Variants in PRKACA observed in about 807,000 individuals in gnomAD.
PRKACA encodes the protein protein kinase cAMP-activated catalytic subunit alpha.
PRKACA carries 9 observed loss-of-function variants against 45.8 expected under a neutral mutation model. The observed-to-expected ratio is 0.20, with a 90% confidence interval of 0.12 to 0.34. PRKACA has a LOEUF of 0.34. PRKACA is among the 10% of genes least tolerant of loss of function. The probability of loss-of-function intolerance (pLI) is 1.00; values close to 1 mark genes in which losing one functional copy is unlikely to be tolerated. For missense variants in PRKACA, 238 were observed against 458.6 expected (o/e 0.52, Z 4.39); for synonymous variants, 160 against 178.6 (o/e 0.90, Z 0.83).
In PRKACA at chr19:14,107,649, G is replaced by A. The variant is rs147514994; in HGVS notation, c.47-240C>T. ...GTACAGAGAGTCTCAGGGGTCACTCGCAGGGGAACGGAGGGAGGTGCCCAG... is the reference window on the plus strand; with the variant it reads ...GTACAGAGAGTCTCAGGGGTCACTCACAGGGGAACGGAGGGAGGTGCCCAG... On this transcript the variant is annotated intron_variant, in intron 1 of 9. Coordinates refer to ENST00000308677, the MANE Select transcript of PRKACA (RefSeq NM_002730.4). 8.8e-5 allele frequency: 117 copies of A among 1,323,102 alleles called. No homozygotes were observed. The East Asian group carries it at 2.9e-3, about 33-fold the overall frequency. The allele number at this position is 1,323,102 out of a possible 1,614,324, so 82.0% of individuals were successfully genotyped here.
intron 1 of PRKACA, among the ~76,000 whole-genome samples, chr19:14,113,848 C>T (rs1007187597): frequency 1.3e-5 from 2 of 152,138 alleles, no homozygotes; most frequent in Non-Finnish European, 2.9e-5. Flanking sequence ...GCTCATCCTA[C>T]AGTCTGAGCT....
Position 14,097,884 on chromosome 19 carries a change from G to A in PRKACA, c.426C>T (p.Pro142=), listed in dbSNP as rs777648038. The A allele has an allele frequency of 1.2e-5, 19 of 1,614,030 alleles. No homozygotes were observed. The highest frequency in any genetic ancestry group is 8.0e-5 in the African/African-American group (6 of 74,934). Residue 142 remains proline, a synonymous_variant, in exon 6 of 10, where the codon CCC becomes CCT. Transcript: ENST00000308677. The surrounding 1 kb of genome is among the most constrained non-coding windows in gnomAD (Gnocchi z 5.4). ...HLRRIGRFSE[P]HARFYAAQIV... ...TCTGGGCCGCGTAGAAACGGGCATG[G>A]GGCTCACTGATGGGGACAAATGGGG...
chr19:14,112,937 T>C lies in PRKACA; in HGVS notation c.46+4565A>G, dbSNP rs1383964029. 5.3e-5 allele frequency among the ~76,000 whole-genome samples: 8 copies of C among 152,026 alleles called. No homozygotes were observed. In the East Asian group the frequency reaches 1.5e-3, roughly 29 times the overall value. On this transcript the variant is annotated intron_variant, in intron 1 of 9. Coordinates refer to ENST00000308677, the MANE Select transcript of PRKACA (RefSeq NM_002730.4). ...AGGCCCCAGAGCTCCCTTAATTCGCTGAAAGAACAGCTGGAGAGAAAGGCT... is the reference window on the plus strand; with the variant it reads ...AGGCCCCAGAGCTCCCTTAATTCGCCGAAAGAACAGCTGGAGAGAAAGGCT...
chr19:14,110,597 C>A (rs896929400), intron 1 of PRKACA, among the ~76,000 whole-genome samples: 8 of 151,810 alleles, frequency 5.3e-5, no homozygotes, highest in African/African-American at 1.7e-4. Context: ...AATAAAAAAA[C>A]CCCAAAAACA....
intron 1 of PRKACA, among the ~76,000 whole-genome samples, chr19:14,111,412 G>GA (rs1966960517): frequency 6.7e-6 from 1 of 149,096 alleles, no homozygotes; most frequent in African/African-American, 2.5e-5. Context: ...AAAAAAAAAA[G>GA]AAAGTGGTAG....
chr19:14,109,985 TATATATATATATATACAC>T (rs1325843361), intron 1 of PRKACA, among the ~76,000 whole-genome samples: 1,605 of 86,422 alleles, frequency 0.019, 88 homozygotes, highest in African/African-American at 0.079. Context: ...TATATATATA[TATATATATATATATACAC>T]ACACACACAC....
Position 14,097,514 on chromosome 19 carries a change from G to A in PRKACA, c.643-31C>T. Reference sequence around the variant, plus strand: ...GCAAGATGGGGGGGCACAGGGTGAGGAGGAGGCGAGAGCAGGAGAGCAGAG... The same window carrying A: ...GCAAGATGGGGGGGCACAGGGTGAGAAGGAGGCGAGAGCAGGAGAGCAGAG... On this transcript the variant is annotated intron_variant, in intron 7 of 9. Coordinates refer to ENST00000308677, the MANE Select transcript of PRKACA (RefSeq NM_002730.4). The surrounding 1 kb of genome is among the most constrained non-coding windows in gnomAD (Gnocchi z 5.4). 6.2e-7 allele frequency: 1 copy of A among 1,613,986 alleles called. No individual in the cohort carries two copies. Among genetic ancestry groups the A allele is most frequent in the Non-Finnish European group, 8.5e-7 (1 of 1,179,916 alleles).
chr19:14,107,571 G>A (rs1326785958), intron 1 of PRKACA, 162 bp from the exon 2 acceptor site: 7 of 1,303,186 alleles, frequency 5.4e-6, no homozygotes, highest in Non-Finnish European at 7.3e-6. Flanking sequence ...CGTGGCCTGG[G>A]CCTCCCTTGC....
At chr19:14,117,402 G>T in intron 1 of PRKACA, 100 bp downstream of exon 1, 1 of 1,159,454 alleles carries the variant, frequency 8.6e-7, no homozygotes, top group Non-Finnish European at 1.1e-6. Flanking sequence ...GGTAGGCAGA[G>T]AGGATGAGGG....
At chr19:14,100,304 ATT>A (rs542748507) in intron 5 of PRKACA, among the ~76,000 whole-genome samples, 8 of 142,184 alleles carry the variant, frequency 5.6e-5, no homozygotes, top group Non-Finnish European at 1.1e-4. Context: ...AACAACTTCA[ATT>A]TTTTTTTTTG....
chr19:14,117,628 G>GGGC lies in PRKACA; in HGVS notation c.-84_-82dup, dbSNP rs1160438429. On this transcript the variant is annotated 5_prime_UTR_variant, in exon 1 of 10. Coordinates refer to ENST00000308677, the MANE Select transcript of PRKACA (RefSeq NM_002730.4). ...GCGGCCGGCGGCCCCGGAGCGCGCTGGGCGGCGGCGGCGGCGGCCCTCGGG... is the reference window on the plus strand; with the variant it reads ...GCGGCCGGCGGCCCCGGAGCGCGCTGGGCGGCGGCGGCGGCGGCGGCCCTCGGG... The GGGC allele has an allele frequency of 1.2e-5, 10 of 858,820 alleles. No individual in the cohort carries two copies. Among genetic ancestry groups the GGGC allele is most frequent in the Admixed American group, 6.4e-5 (1 of 15,568 alleles). 53.2% of individuals were successfully genotyped at this position (858,820 alleles called of 1,614,324 possible).
chr19:14,114,537 T>C (rs996062238), intron 1 of PRKACA, among the ~76,000 whole-genome samples: 3 of 151,928 alleles, frequency 2.0e-5, no homozygotes, highest in African/African-American at 4.8e-5. Flanking sequence ...GATCTGCTTG[T>C]GTCCTGGGGA....
At position 14,114,371 on chromosome 19, in the gene PRKACA, TAAGGG is replaced by T. The variant is rs367675445; in HGVS notation, c.46+3126_46+3130del. On this transcript the variant is annotated intron_variant, in intron 1 of 9. Coordinates refer to ENST00000308677, the MANE Select transcript of PRKACA (RefSeq NM_002730.4). The stretch of plus-strand genomic sequence containing the variant: ...CGAGTTTCTGTAGACGCGGTTGCGC[TAAGGG>T]GAGAGCTGCCTTGATAAGACCTCTT... 1.5e-3 allele frequency among the ~76,000 whole-genome samples: 228 copies of T among 152,224 alleles called. 5 individuals are homozygous for T. In the South Asian group the frequency reaches 0.045, roughly 30 times the overall value.
intron 1 of PRKACA, among the ~76,000 whole-genome samples, chr19:14,109,470 C>G (rs1568537029): frequency 1.3e-5 from 2 of 150,766 alleles, no homozygotes; most frequent in Non-Finnish European, 3.0e-5. Context: ...AAAAAATTAG[C>G]CAGGCGTGGT....
rs767507927 is a variant in PRKACA, at chr19:14,102,793, G to A, written c.336+23C>T. On this transcript the variant is annotated intron_variant, in intron 4 of 9. Coordinates refer to ENST00000308677, the MANE Select transcript of PRKACA (RefSeq NM_002730.4). Reference sequence around the variant, plus strand: ...CTGGGACCCAATGCAGTGACCCCCCGCCCTTGGCCACTGGGACCCCACCTT... The same window carrying A: ...CTGGGACCCAATGCAGTGACCCCCCACCCTTGGCCACTGGGACCCCACCTT... The A allele has an allele frequency of 1.1e-5, 18 of 1,597,864 alleles. 1 individual carries two copies. In the South Asian group the frequency reaches 1.7e-4, roughly 15 times the overall value.
At chr19:14,117,302 G>A (rs927438535) in intron 1 of PRKACA, among the ~76,000 whole-genome samples, 200 bp downstream of exon 1, 2 of 151,706 alleles carry the variant, frequency 1.3e-5, no homozygotes, top group Non-Finnish European at 2.9e-5. Flanking sequence ...GCAGCATGGG[G>A]CGGCCCTAGG....
At chr19:14,095,176 C>CT (rs796833968) in intron 8 of PRKACA, among the ~76,000 whole-genome samples, 1,616 of 133,964 alleles carry the variant, frequency 0.012, 28 homozygotes, top group African/African-American at 0.038. Context: ...TTCTTTTTTT[C>CT]TTTTTTTTTT....
chr19:14,095,176 CT>C (rs796833968), intron 8 of PRKACA, among the ~76,000 whole-genome samples: 148 of 133,826 alleles, frequency 1.1e-3, no homozygotes, highest in Middle Eastern at 3.8e-3. Context: ...TTCTTTTTTT[CT>C]TTTTTTTTTT....
chr19:14,113,675 G>C (rs1967034927), intron 1 of PRKACA, among the ~76,000 whole-genome samples: 1 of 152,188 alleles, frequency 6.6e-6, no homozygotes. Flanking sequence ...TTCTGGGGCA[G>C]GAATGCCCAG....
Sources: allele counts gnomAD v4.1 joint callset (sites outside exome capture counted in the v4.1 genomes callset), GRCh38; gene constraint gnomAD v4.1.1; non-coding constraint Gnocchi (gnomAD v3.1); transcripts MANE v1.5; gene names NCBI Gene and HGNC (gene_info 2026-07-23, HGNC 2026-07-21).